The following NEB variants were observed in gnomAD, a reference collection of about 807,000 sequenced individuals.
NEB encodes nebulin, also known as nemaline myopathy type 2.
In NEB, 512 loss-of-function variants were observed where a neutral mutation model predicts 952.2. That is an observed-to-expected ratio of 0.54 (90% CI 0.50 to 0.58). The LOEUF is 0.58. NEB is among the 20% of genes least tolerant of loss of function. The pLI is 0.00. For missense variants in NEB, 8,428 were observed against 9,231.1 expected, an observed-to-expected ratio of 0.91 and a Z score of 3.56; for synonymous variants, 2,900 against 3,149.8, an observed-to-expected ratio of 0.92 and a Z score of 2.66.
At chr2:151,676,435 G>A (rs1000802459) in intron 34 of NEB, among the ~76,000 whole-genome samples, 5 of 152,046 alleles carry the variant, frequency 3.3e-5, no homozygotes, top group Non-Finnish European at 7.4e-5. Context: ...CACACTTGGG[G>A]CCAGCATTGT....
At chr2:151,645,487 C>T (rs1482570987) in intron 55 of NEB, among the ~76,000 whole-genome samples, 1 of 152,104 alleles carries the variant, frequency 6.6e-6, no homozygotes, top group Admixed American at 6.5e-5. Context: ...AGATCTGTAA[C>T]ATAATTTAAA....
At position 151,537,945 on chromosome 2, in the gene NEB, AACTGGCTCATGTAGTTCTCCTTGTATTT is replaced by A; in HGVS notation, c.21001_21028del (p.Lys7001TrpfsTer26). On this transcript the variant is annotated frameshift_variant, in exon 140 of 182. Transcript: ENST00000397345. LOFTEE classifies it high-confidence loss of function. Reference sequence around the variant, plus strand: ...ATCAGGAATGGACCTCCAGATACCCAACTGGCTCATGTAGTTCTCCTTGTATTTTATCTGTTATAAAAAACACAAAGAC... The same window carrying A: ...ATCAGGAATGGACCTCCAGATACCCATATCTGTTATAAAAAACACAAAGAC... The A allele has an allele frequency of 6.2e-7, 1 of 1,613,540 alleles. No individual in the cohort carries two copies. The highest frequency in any genetic ancestry group is 8.5e-7 in the Non-Finnish European group (1 of 1,179,590).
intron 38 of NEB, among the ~76,000 whole-genome samples, chr2:151,670,008 C>T (rs1175367191): frequency 2.0e-5 from 3 of 152,134 alleles, no homozygotes; most frequent in Non-Finnish European, 2.9e-5. Flanking sequence ...ACCGTGACTG[C>T]CAAGTTTCCA....
chr2:151,513,763 A>G (rs1294653740), intron 159 of NEB, 70 bp from the exon 160 acceptor site: 3 of 1,084,336 alleles, frequency 2.8e-6, no homozygotes, highest in East Asian at 5.2e-5. Flanking sequence ...ATACAGGGTG[A>G]ATGTAAATCC....
chr2:151,732,662 T>C (rs1250838673), intron 3 of NEB, among the ~76,000 whole-genome samples: 1 of 152,220 alleles, frequency 6.6e-6, no homozygotes, highest in African/African-American at 2.4e-5. Context: ...TACATATGAT[T>C]ATTCTGAATA....
At position 151,609,917 on chromosome 2, in the gene NEB, C is replaced by T; in HGVS notation, c.12222G>A (p.Gln4074=). The T allele has an allele frequency of 6.2e-7, 1 of 1,613,916 alleles. No individual in the cohort carries two copies. Residue 4074 remains glutamine (Q), a synonymous_variant, in exon 81 of 182, where the codon CAG becomes CAA. Transcript: ENST00000397345. ...GATAATCAATGTCAGTGACCAAAGT[C>T]TGACATTTCTTGGCCAGCAAGATGC... ...MLSILLAKKC[Q]TLVTDIDYRN... is the part of the protein sequence containing the mutation.
chr2:151,554,997 T>G lies in NEB; in HGVS notation c.19362A>C (p.Leu6454Phe). 6.2e-7 allele frequency: 1 copy of G among 1,613,858 alleles called. No homozygotes were observed. Among genetic ancestry groups the G allele is most frequent in the Non-Finnish European group, 8.5e-7 (1 of 1,179,768 alleles). Reference sequence around the variant, plus strand: ...TCGGATCATCGTCAACACTTCTTGGTAACGTATAAAGAGCTTTGAACTTTT... The same window carrying G: ...TCGGATCATCGTCAACACTTCTTGGGAACGTATAAAGAGCTTTGAACTTTT... ...EYEKFKALYT[L>F]PRSVDDDPNT... The change falls in exon 125 of 182, where the codon TTA (leucine) becomes TTC (phenylalanine). Residue 6454 changes from leucine to phenylalanine, a missense_variant. Physicochemically the swap from Leu to Phe is conservative, Grantham distance 22. Transcript: ENST00000397345.
At position 151,554,962 on chromosome 2, in the gene NEB, C is replaced by G. The variant is rs747425038; in HGVS notation, c.19397G>C (p.Arg6466Pro). Residue 6466 changes from arginine (R) to proline (P), a missense_variant, in exon 125 of 182, where the codon CGG becomes CCG. Transcript: ENST00000397345. ...RSVDDDPNTA[R>P]CLRVGKLNID... is the part of the protein sequence containing the mutation. Reference sequence around the variant, plus strand: ...GTTAAGCTTGCCAACTCGGAGGCACCGTGCTGTGTTCGGATCATCGTCAAC... The same window carrying G: ...GTTAAGCTTGCCAACTCGGAGGCACGGTGCTGTGTTCGGATCATCGTCAAC... The G allele has an allele frequency of 2.5e-6, 4 of 1,613,708 alleles. No homozygotes were observed. Among genetic ancestry groups the G allele is most frequent in the Non-Finnish European group, 3.4e-6 (4 of 1,179,682 alleles).
chr2:151,527,483 C>CG lies in NEB; in HGVS notation c.21837dup (p.Asp7280ArgfsTer3). 6.2e-7 allele frequency: 1 copy of CG among 1,610,214 alleles called. No homozygotes were observed. The highest frequency in any genetic ancestry group is 8.5e-7 in the Non-Finnish European group (1 of 1,177,614). On this transcript the variant is annotated frameshift_variant, in exon 147 of 182. Coordinates refer to ENST00000397345, the MANE Select transcript of NEB (RefSeq NM_001164508.2). LOFTEE classifies it high-confidence loss of function. Reference sequence around the variant, plus strand: ...CGTCTGTGTCTCTCCTGTCTTACATCGCTTTGCTGCAGGGATGACTTGGCA... The same window carrying CG: ...CGTCTGTGTCTCTCCTGTCTTACATCGGCTTTGCTGCAGGGATGACTTGGCA...
chr2:151,723,750 G>GTTTTT (rs11308757), intron 8 of NEB, among the ~76,000 whole-genome samples: 6 of 51,376 alleles, frequency 1.2e-4, no homozygotes, highest in Admixed American at 5.0e-4. Context: ...TGCCTTCTTT[G>GTTTTT]TTTTTTTTTT....
At chr2:151,665,918 A>T (rs1446903524) in intron 41 of NEB, among the ~76,000 whole-genome samples, 172 bp downstream of exon 41, 1 of 152,216 alleles carries the variant, frequency 6.6e-6, no homozygotes, top group Non-Finnish European at 1.5e-5. Flanking sequence ...CATATATATA[A>T]AATTAACAAC....
At chr2:151,681,297 C>T (rs2148671385) in intron 29 of NEB, among the ~76,000 whole-genome samples, 1 of 152,322 alleles carries the variant, frequency 6.6e-6, no homozygotes, top group African/African-American at 2.4e-5. Flanking sequence ...ACTAGGCCAA[C>T]AGCTAGGAAT....
chr2:151,632,779 G>T (rs1379057541), intron 65 of NEB, among the ~76,000 whole-genome samples: 1 of 152,084 alleles, frequency 6.6e-6, no homozygotes, highest in Non-Finnish European at 1.5e-5. Flanking sequence ...CATATCGCAG[G>T]GTGAGGAAGG....
Position 151,696,667 on chromosome 2 carries a change from T to A in NEB, c.1539A>T (p.Gln513His). 6.2e-7 allele frequency: 1 copy of A among 1,613,886 alleles called. No homozygotes were observed. The highest frequency in any genetic ancestry group is 8.5e-7 in the Non-Finnish European group (1 of 1,179,790). The change falls in exon 17 of 182, where the codon CAA becomes CAT. Residue 513 changes from glutamine to histidine, a missense_variant. Transcript: ENST00000397345. Reference sequence around the variant, plus strand: ...TCAGTTGTTTGGAATTGACTTGGGCTTGTAGCAGAACAGGAGAGTCTGTAA... The same window carrying A: ...TCAGTTGTTTGGAATTGACTTGGGCATGTAGCAGAACAGGAGAGTCTGTAA... ...TQVTDSPVLL[Q>H]AQVNSKQLSD... is the part of the protein sequence containing the mutation.
chr2:151,524,369 C>G lies in NEB; in HGVS notation c.22421G>C (p.Ser7474Thr). 1 of 1,613,986 alleles carries G rather than the reference C, an allele frequency of 6.2e-7. No individual in the cohort carries two copies. The highest frequency in any genetic ancestry group is 1.3e-5 in the African/African-American group (1 of 75,062). Residue 7474 changes from serine (S) to threonine (T), a missense_variant, in exon 153 of 182, where the codon AGC becomes ACC. Ser to Thr is a moderately conservative substitution (Grantham distance 58). Coordinates refer to ENST00000397345, the MANE Select transcript of NEB (RefSeq NM_001164508.2). Reference sequence around the variant, plus strand: ...TTCTATGTCTGGGCGACCGAGCATGCTTAAGCCATGGCTGCCTTCCTTGCG... The same window carrying G: ...TTCTATGTCTGGGCGACCGAGCATGGTTAAGCCATGGCTGCCTTCCTTGCG... ...KHRKEGSHGLSMLGRPDIEMA... is the reference protein window; with the variant it reads ...KHRKEGSHGLTMLGRPDIEMA...
At chr2:151,638,985 A>G (rs890038194) in intron 63 of NEB, among the ~76,000 whole-genome samples, 1 of 152,216 alleles carries the variant, frequency 6.6e-6, no homozygotes, top group Admixed American at 6.5e-5. Flanking sequence ...GGGGAGATAC[A>G]TGTATAGGTC....
At chr2:151,522,235 T>C (rs1023171343) in intron 153 of NEB, among the ~76,000 whole-genome samples, 1 of 152,214 alleles carries the variant, frequency 6.6e-6, no homozygotes, top group East Asian at 1.9e-4. Flanking sequence ...AGATGTATAC[T>C]GGTGCTTCTA....
At chr2:151,733,402 T>C (rs1020132218) in intron 2 of NEB, among the ~76,000 whole-genome samples, 2 of 152,208 alleles carry the variant, frequency 1.3e-5, no homozygotes, top group Non-Finnish European at 2.9e-5. Flanking sequence ...AATTGCTACT[T>C]CTACATAATC....
chr2:151,630,833 T>C lies in NEB; in HGVS notation c.9619-14A>G, dbSNP rs374444328. 2.8e-5 allele frequency: 43 copies of C among 1,551,142 alleles called. 1 individual carries two copies. In the East Asian group the frequency reaches 3.6e-4, roughly 13 times the overall value. On this transcript the variant is annotated splice_polypyrimidine_tract_variant and intron_variant, in intron 66 of 181. Coordinates refer to ENST00000397345, the MANE Select transcript of NEB (RefSeq NM_001164508.2). ...TGTGTATAAACGCTATAAAAGAAGATAAGATGCTGATTAAAAATCATTTGA... is the reference window on the plus strand; with the variant it reads ...TGTGTATAAACGCTATAAAAGAAGACAAGATGCTGATTAAAAATCATTTGA...
Sources: allele counts gnomAD v4.1 joint callset (sites outside exome capture counted in the v4.1 genomes callset), GRCh38; gene constraint gnomAD v4.1.1; transcripts MANE v1.5; gene names NCBI Gene and HGNC (gene_info 2026-07-23, HGNC 2026-07-21).